The following FAM53A variants were observed in gnomAD, a reference collection of about 807,000 sequenced individuals.
FAM53A encodes the protein family with sequence similarity 53 member A.
Under a neutral mutation model 26.6 loss-of-function variants are expected in FAM53A, and 28 were observed. The observed-to-expected ratio is 1.05, with a 90% CI of 0.78 to 1.45. FAM53A has a LOEUF of 1.45. FAM53A is among the 40% of genes most tolerant of loss of function. FAM53A has a pLI of 0.00. For missense variants in FAM53A, 650 were observed against 575.8 expected, an observed-to-expected ratio of 1.13 and a Z score of -1.32; for synonymous variants, 290 against 253.1, an observed-to-expected ratio of 1.15 and a Z score of -1.38.
At chr4:1,605,336 C>T in the FAM53A span, among the ~76,000 whole-genome samples, 1 of 152,024 alleles carries the variant, frequency 6.6e-6, no homozygotes, top group Non-Finnish European at 1.5e-5. The surrounding 1 kb of genome is among the most constrained non-coding windows in gnomAD (Gnocchi z 5.7). Flanking sequence ...CCTCACAGCC[C>T]AGCTCCAGGT....
At chr4:1,579,069 G>A in the FAM53A span, among the ~76,000 whole-genome samples, 1 of 151,050 alleles carries the variant, frequency 6.6e-6, no homozygotes, top group Admixed American at 6.6e-5. Flanking sequence ...CTCCAGGCCG[G>A]AATCGAGGTC....
intron 3 of FAM53A, 115 bp downstream of exon 3, chr4:1,657,293 C>T: frequency 1.0e-6 from 1 of 964,086 alleles, no homozygotes; most frequent in Non-Finnish European, 1.6e-6. Flanking sequence ...GGCACACGAA[C>T]ACCTTCCTGG....
chr4:1,641,740 GT>G, intron 4 of FAM53A, 133 bp from the exon 5 acceptor site: 1 of 888,314 alleles, frequency 1.1e-6, no homozygotes, highest in Non-Finnish European at 1.8e-6. Context: ...AGGGGCCTTG[GT>G]CCCCTGTACA....
the FAM53A span, among the ~76,000 whole-genome samples, chr4:1,578,115 A>G: frequency 6.6e-6 from 1 of 151,890 alleles, no homozygotes; most frequent in Admixed American, 6.5e-5. Context: ...GAAGGTCTGC[A>G]GTCCTGGCTG....
the FAM53A span, among the ~76,000 whole-genome samples, chr4:1,577,950 T>G: frequency 1.5e-4 from 20 of 133,176 alleles, no homozygotes; most frequent in South Asian, 5.3e-4. Context: ...GGTGGGGGGC[T>G]GTGGGGGTGC....
the FAM53A span, among the ~76,000 whole-genome samples, chr4:1,579,183 G>A: frequency 0.016 from 843 of 52,000 alleles, 5 homozygotes; most frequent in African/African-American, 0.059. Flanking sequence ...TGCCCCCCCT[G>A]CCCTCCCTGC....
the FAM53A span, among the ~76,000 whole-genome samples, chr4:1,590,142 C>T: frequency 6.6e-6 from 1 of 152,122 alleles, no homozygotes; most frequent in Non-Finnish European, 1.5e-5. Flanking sequence ...CAGGGGTATT[C>T]AGTACTTATG....
At chr4:1,642,837 G>T (rs1010434794) in intron 4 of FAM53A, among the ~76,000 whole-genome samples, 6 of 152,190 alleles carry the variant, frequency 3.9e-5, no homozygotes, top group African/African-American at 1.4e-4. Flanking sequence ...ACCACACCAC[G>T]CTGGCTTCAG....
chr4:1,586,546 C>T, the FAM53A span, among the ~76,000 whole-genome samples: 8 of 151,888 alleles, frequency 5.3e-5, no homozygotes, highest in South Asian at 2.1e-4. Flanking sequence ...GGGTCCGAGG[C>T]GGGCGGATCA....
At position 1,659,198 on chromosome 4, in the gene FAM53A, C is replaced by T. The variant is rs1330080001; in HGVS notation, c.76-1730G>A. 3.9e-5 allele frequency among the ~76,000 whole-genome samples: 6 copies of T among 152,324 alleles called. No individual in the cohort carries two copies. The highest frequency in any genetic ancestry group is 3.9e-4 in the East Asian group (2 of 5,184). ...ATGAGGACAGGGCCTGGTGCGGGCC[C>T]GGGAACCACACGACCTCCAGGTTCT... On this transcript the variant is annotated intron_variant, in intron 2 of 4. Transcript: ENST00000308132. This position sits in a 1 kb window ranked among gnomAD's most constrained non-coding sequence, Gnocchi z 5.2.
intron 1 of FAM53A, among the ~76,000 whole-genome samples, chr4:1,670,455 G>A (rs1396942386): frequency 6.6e-6 from 1 of 152,222 alleles, no homozygotes; most frequent in East Asian, 1.9e-4. Context: ...CAGGGGACTG[G>A]GCAGACCAAA....
At position 1,641,452 on chromosome 4, in the gene FAM53A, G is replaced by T. The variant is rs1199332228; in HGVS notation, c.1038C>A (p.Ser346Arg). 1.9e-6 allele frequency: 3 copies of T among 1,614,000 alleles called. No individual in the cohort carries two copies. In the African/African-American group the frequency reaches 4.0e-5, roughly 22 times the overall value. ...PGCSQRGLRT[S>R]PVHPNLWASR... ...AGGCCCACAGGTTGGGGTGGACAGG[G>T]CTGGTCCTGAGGCCCCTCTGGCTGC... Residue 346 changes from serine (S) to arginine (R), a missense_variant, in exon 5 of 5, where the codon AGC becomes AGA. Coordinates refer to ENST00000308132, the MANE Select transcript of FAM53A (RefSeq NM_001174070.3).
chr4:1,621,982 C>T (rs1487613267), intron 1 of FAM53A, among the ~76,000 whole-genome samples: 1 of 152,178 alleles, frequency 6.6e-6, no homozygotes, highest in Non-Finnish European at 1.5e-5. Context: ...ATGCTGCTGT[C>T]TTGGGAACGG....
chr4:1,605,700 C>T, the FAM53A span, among the ~76,000 whole-genome samples: 1 of 152,182 alleles, frequency 6.6e-6, no homozygotes, highest in Non-Finnish European at 1.5e-5. The surrounding 1 kb of genome is among the most constrained non-coding windows in gnomAD (Gnocchi z 5.7). Flanking sequence ...CTGCCCACGT[C>T]CTGCACTCAA....
At chr4:1,598,319 G>C in the FAM53A span, among the ~76,000 whole-genome samples, 1 of 152,370 alleles carries the variant, frequency 6.6e-6, no homozygotes, top group East Asian at 1.9e-4. Flanking sequence ...GAAAAACGTG[G>C]GGCCAACTCC....
chr4:1,650,302 T>TTGAC (rs1320098425), intron 4 of FAM53A, among the ~76,000 whole-genome samples: 1 of 132,982 alleles, frequency 7.5e-6, no homozygotes, highest in Non-Finnish European at 1.6e-5. Flanking sequence ...GGCGTGGTGT[T>TTGAC]TGTGAGGTGG....
chr4:1,645,392 G>C (rs1404534113), intron 4 of FAM53A, among the ~76,000 whole-genome samples: 2 of 152,252 alleles, frequency 1.3e-5, no homozygotes, highest in Non-Finnish European at 2.9e-5. Context: ...GGGTTATTAG[G>C]AAAGTACGGA....
chr4:1,592,504 T>A, the FAM53A span, among the ~76,000 whole-genome samples: 3 of 143,106 alleles, frequency 2.1e-5, no homozygotes, highest in South Asian at 4.2e-4. Flanking sequence ...CTGCGGTCCT[T>A]CCTGGGGGAA....
chr4:1,671,144 G>A (rs113105231), intron 1 of FAM53A, among the ~76,000 whole-genome samples: 355 of 98,600 alleles, frequency 3.6e-3, no homozygotes, highest in Admixed American at 5.6e-3. Context: ...GCCATGGCCC[G>A]GACTCACCTC....
Sources: gnomAD v4.1 joint callset for allele counts (sites outside exome capture counted in the v4.1 genomes callset) on GRCh38, gnomAD v4.1.1 for gene constraint, Gnocchi (gnomAD v3.1) non-coding constraint, MANE v1.5 for transcripts, NCBI Gene and HGNC (gene_info 2026-07-23, HGNC 2026-07-21) for gene names.